CACNA2D3: variants seen among roughly 807,000 people sequenced by gnomAD.
The protein encoded by CACNA2D3 is calcium voltage-gated channel auxiliary subunit alpha2delta 3, also known as voltage-dependent calcium channel subunit alpha-2/delta-3.
In CACNA2D3, 60 loss-of-function variants were observed where a neutral mutation model predicts 160.6. That is an observed-to-expected ratio of 0.37 (90% CI 0.30 to 0.46). The LOEUF (loss-of-function observed/expected upper bound fraction) is 0.46. Ranked by LOEUF, CACNA2D3 falls within the 20% of genes least tolerant of loss-of-function variation. CACNA2D3 has a pLI of 1.00. For synonymous variants in CACNA2D3, 558 were observed against 492.9 expected (o/e 1.13, Z -1.75); for missense variants, 1,205 against 1,365.0 (o/e 0.88, Z 1.85).
At chr3:54,136,457 A>G (rs2107260970) in intron 2 of CACNA2D3, among the ~76,000 whole-genome samples, 1 of 152,328 alleles carries the variant, frequency 6.6e-6, no homozygotes. Context: ...AATGTTGGAC[A>G]TCCTTTTCTT....
At chr3:54,920,886 G>A (rs764460714) in intron 27 of CACNA2D3, among the ~76,000 whole-genome samples, 5 of 152,246 alleles carry the variant, frequency 3.3e-5, no homozygotes, top group Non-Finnish European at 5.9e-5. Context: ...TCTGTTGTTC[G>A]GTATTAAGGT....
At chr3:55,034,889 A>G (rs1169603135) in intron 35 of CACNA2D3, among the ~76,000 whole-genome samples, 1 of 152,166 alleles carries the variant, frequency 6.6e-6, no homozygotes, top group African/African-American at 2.4e-5. Flanking sequence ...TCAAGTATCA[A>G]TTCCTAGAAG....
intron 9 of CACNA2D3, among the ~76,000 whole-genome samples, chr3:54,611,746 C>T (rs985234656): frequency 2.0e-5 from 3 of 151,994 alleles, no homozygotes; most frequent in Non-Finnish European, 2.9e-5. Flanking sequence ...ATATGTGATA[C>T]CACCTTGAAA....
intron 5 of CACNA2D3, among the ~76,000 whole-genome samples, chr3:54,523,743 C>G (rs1308287934): frequency 6.6e-6 from 1 of 151,912 alleles, no homozygotes; most frequent in African/African-American, 2.4e-5. Context: ...TGGTTTGTGT[C>G]TTTGTAGGAA....
Position 54,386,766 on chromosome 3 carries a change from G to A in CACNA2D3, c.373G>A (p.Asp125Asn), listed in dbSNP as rs1030047813. 1.4e-5 allele frequency: 23 copies of A among 1,592,592 alleles called. No homozygotes were observed. Among genetic ancestry groups the A allele is most frequent in the East Asian group, 2.2e-5 (1 of 44,504 alleles). Residue 125 changes from aspartate to asparagine, a missense_variant, in exon 4 of 38, where the codon GAC (aspartate) becomes AAC (asparagine). Physicochemically the swap from Asp to Asn is conservative, Grantham distance 23 (BLOSUM62 1). Around this residue, in one of 3 missense-constraint regions of CACNA2D3, gnomAD observed 163 missense variants for 161.3 expected, o/e 1.01. Coordinates refer to ENST00000474759, the MANE Select transcript of CACNA2D3 (RefSeq NM_018398.3). ...EAHLKHEFDA[D>N]LQYEYFNAVL... ...ACACCTGAAACATGAATTTGATGCA[G>A]ACTTACAGGTAACTGATTATAGTTT... is the stretch of plus-strand genomic sequence containing the variant.
At chr3:54,584,124 C>T (rs552073295) in intron 9 of CACNA2D3, among the ~76,000 whole-genome samples, 72 of 152,002 alleles carry the variant, frequency 4.7e-4, no homozygotes, top group African/African-American at 1.7e-3. Flanking sequence ...AAGATGAAAT[C>T]GGATCCAGAG....
chr3:54,305,407 A>G (rs1162994712), intron 2 of CACNA2D3, among the ~76,000 whole-genome samples: 2 of 152,238 alleles, frequency 1.3e-5, no homozygotes, highest in African/African-American at 4.8e-5. Flanking sequence ...ATCATCATTT[A>G]TTGGCAGAAC....
In CACNA2D3 at chr3:54,560,059, T is replaced by C. The variant is rs1430152806; in HGVS notation, c.545-2741T>C. Among the ~76,000 whole-genome samples the C allele has an allele frequency of 2.0e-5, 3 of 152,232 alleles. No homozygotes were observed. In the East Asian group the frequency reaches 5.8e-4, roughly 29 times the overall value. On this transcript the variant is annotated intron_variant, in intron 5 of 37. Transcript: ENST00000474759. ...AGCACTGAACATATGCATGGGTGTA[T>C]CTTTATAATAGACTGATTTATACTC... is the stretch of plus-strand genomic sequence containing the variant.
intron 3 of CACNA2D3, among the ~76,000 whole-genome samples, chr3:54,352,485 A>G (rs919208228): frequency 8.5e-5 from 13 of 152,248 alleles, no homozygotes; most frequent in African/African-American, 2.9e-4. Flanking sequence ...CAACCTGGGA[A>G]AAGTCAGTTG....
chr3:54,255,070 G>A (rs1445614037), intron 2 of CACNA2D3, among the ~76,000 whole-genome samples: 3 of 152,158 alleles, frequency 2.0e-5, no homozygotes, highest in Admixed American at 6.5e-5. Flanking sequence ...TTCCCCTGTG[G>A]AATGGCTGTT....
At chr3:54,613,557 T>C (rs1698786702) in intron 9 of CACNA2D3, among the ~76,000 whole-genome samples, 1 of 152,218 alleles carries the variant, frequency 6.6e-6, no homozygotes, top group Non-Finnish European at 1.5e-5. Flanking sequence ...CTGAGAAGGC[T>C]TTCTATCCCA....
At chr3:54,404,367 T>C (rs1699531976) in intron 4 of CACNA2D3, among the ~76,000 whole-genome samples, 2 of 151,994 alleles carry the variant, frequency 1.3e-5, no homozygotes, top group Non-Finnish European at 2.9e-5. Flanking sequence ...GATACTTTCA[T>C]TAACAGACAA....
intron 17 of CACNA2D3, among the ~76,000 whole-genome samples, chr3:54,852,333 G>A (rs1006565306): frequency 2.6e-5 from 4 of 152,240 alleles, no homozygotes; most frequent in Non-Finnish European, 5.9e-5. Flanking sequence ...CTGTCATGGA[G>A]GCCAGTGGGT....
chr3:54,622,828 A>AT (rs113440067), intron 9 of CACNA2D3, among the ~76,000 whole-genome samples: 4,215 of 152,086 alleles, frequency 0.028, 180 homozygotes, highest in African/African-American at 0.096. Flanking sequence ...AAAATCACAA[A>AT]TCCTCCGTGC....
At chr3:54,898,042 A>G (rs1700231255) in intron 26 of CACNA2D3, among the ~76,000 whole-genome samples, 1 of 151,416 alleles carries the variant, frequency 6.6e-6, no homozygotes, top group Admixed American at 6.6e-5. Flanking sequence ...TCTCAAATGT[A>G]AATTTCCAGG....
chr3:54,250,874 G>T (rs1407921050), intron 2 of CACNA2D3, among the ~76,000 whole-genome samples: 1 of 152,168 alleles, frequency 6.6e-6, no homozygotes, highest in Admixed American at 6.5e-5. Flanking sequence ...AGAGAAAGAG[G>T]CAATATGCCA....
At chr3:54,151,912 C>G (rs1700158969) in intron 2 of CACNA2D3, among the ~76,000 whole-genome samples, 1 of 152,252 alleles carries the variant, frequency 6.6e-6, no homozygotes, top group South Asian at 2.1e-4. Flanking sequence ...GTTGCCCATA[C>G]TGTTCCCTGC....
In CACNA2D3 at chr3:54,729,405, T is replaced by C. The variant is rs140613400; in HGVS notation, c.1168-23194T>C. 1.6e-3 allele frequency among the ~76,000 whole-genome samples: 243 copies of C among 152,336 alleles called. 1 individual carries two copies. The highest frequency in any genetic ancestry group is 4.3e-3 in the African/African-American group (180 of 41,576). The stretch of plus-strand genomic sequence containing the variant: ...GATGTTCTCAGTATTAGGATTCATC[T>C]GACAGTACATAGTCCATCATAGCTA... On this transcript the variant is annotated intron_variant, in intron 11 of 37. Coordinates refer to ENST00000474759, the MANE Select transcript of CACNA2D3 (RefSeq NM_018398.3).
chr3:54,431,737 A>G (rs1699993750), intron 4 of CACNA2D3, among the ~76,000 whole-genome samples: 1 of 152,054 alleles, frequency 6.6e-6, no homozygotes, highest in South Asian at 2.1e-4. Context: ...CCTCCAGAGT[A>G]GCTGGGATTA....
Sources: gnomAD v4.1 joint callset for allele counts (sites outside exome capture counted in the v4.1 genomes callset) on GRCh38, gnomAD v4.1.1 for gene constraint, gnomAD v4.1.1 regional missense constraint, MANE v1.5 for transcripts, NCBI Gene and HGNC (gene_info 2026-07-23, HGNC 2026-07-21) for gene names.